SLC35D2: variants seen among roughly 807,000 people sequenced by gnomAD.
The protein encoded by SLC35D2 is solute carrier family 35 member D2.
SLC35D2 carries 43 observed loss-of-function variants against 41.8 expected under a neutral mutation model. The ratio of observed to expected loss-of-function variants is 1.03; its 90% confidence interval spans 0.81 to 1.33. SLC35D2 has a LOEUF of 1.33. SLC35D2 is among the 40% of genes most tolerant of loss of function. The pLI is 0.00. For missense variants in SLC35D2, 380 were observed against 408.4 expected (o/e 0.93, Z 0.60); for synonymous variants, 150 against 163.9 (o/e 0.92, Z 0.65).
intron 9 of SLC35D2, among the ~76,000 whole-genome samples, chr9:96,324,549 C>CTTTTTTTTTTTTTTTTT (rs57775451): frequency 1.5e-4 from 18 of 117,750 alleles, no homozygotes; most frequent in South Asian, 3.2e-4. Flanking sequence ...GCCTGCTGCA[C>CTTTTTTTTTTTTTTTTT]TTTTTTTTTT....
intron 9 of SLC35D2, among the ~76,000 whole-genome samples, chr9:96,335,894 A>C (rs1829029155): frequency 6.6e-6 from 1 of 151,960 alleles, no homozygotes; most frequent in South Asian, 2.1e-4. Context: ...TCTACTAAAA[A>C]TACAAAAAAT....
chr9:96,371,714 ATTTCTTTT>A (rs1261501423), intron 1 of SLC35D2, among the ~76,000 whole-genome samples: 1 of 131,176 alleles, frequency 7.6e-6, no homozygotes, highest in African/African-American at 2.9e-5. Flanking sequence ...TTAAAACTAA[ATTTCTTTT>A]TTTTTTTTTT....
At chr9:96,361,897 G>A (rs1418867172) in intron 3 of SLC35D2, among the ~76,000 whole-genome samples, 1 of 152,078 alleles carries the variant, frequency 6.6e-6, no homozygotes, top group Admixed American at 6.6e-5. Context: ...ATCCATTTCT[G>A]TTGTTGAAGC....
rs1828209342 is a variant in SLC35D2 at position 96,321,255 on chromosome 9, T to C, written c.1001A>G (p.Asp334Gly). 3 of 1,613,462 alleles carry C rather than the reference T, an allele frequency of 1.9e-6. No homozygotes were observed. In the East Asian group the frequency reaches 6.7e-5, roughly 36 times the overall value. The change falls in exon 12 of 12, where the codon GAT becomes GGT. Residue 334 changes from aspartate (D) to glycine (G), a missense_variant. Physicochemically the swap from Asp to Gly is moderately conservative, Grantham distance 94. Transcript: ENST00000253270. ...GCTGCAGACTCTTTAGCTCTTCAAA[T>C]CCAAACAGATGTTTTCTTCACCCAC... ...KPVGEENICL[D>G]LKS
chr9:96,355,425 T>TGCA (rs1829982405), intron 4 of SLC35D2, among the ~76,000 whole-genome samples: 2 of 151,862 alleles, frequency 1.3e-5, no homozygotes, highest in South Asian at 4.2e-4. Flanking sequence ...TCGAGGCTAC[T>TGCA]GCAGTGAGCT....
chr9:96,363,768 T>A (rs1830372568), intron 3 of SLC35D2, among the ~76,000 whole-genome samples: 1 of 152,122 alleles, frequency 6.6e-6, no homozygotes, highest in South Asian at 2.1e-4. Context: ...GTAAATAAAG[T>A]TTTATTGGAA....
In SLC35D2 at chr9:96,336,761, C is replaced by A. The variant is rs772420947; in HGVS notation, c.708G>T (p.Lys236Asn). 12 of 1,584,050 alleles carry A rather than the reference C, an allele frequency of 7.6e-6. No homozygotes were observed. The highest frequency in any genetic ancestry group is 1.7e-5 in the Admixed American group (1 of 58,314). ...LQQATEFNQWKNVVFILQFLL... is the reference protein window; with the variant it reads ...LQQATEFNQWNNVVFILQFLL... The stretch of plus-strand genomic sequence containing the variant: ...GAAACTGTAGGATAAACACAACATT[C>A]TTCCATTGGTTGAATTCAGTAGCCT... The change falls in exon 9 of 12, where the codon AAG becomes AAT. Residue 236 changes from lysine (K) to asparagine (N), a missense_variant. By Grantham distance (94) the Lys-to-Asn change is moderately conservative. Transcript: ENST00000253270.
chr9:96,323,794 C>A (rs899053320), intron 10 of SLC35D2, among the ~76,000 whole-genome samples: 1 of 151,932 alleles, frequency 6.6e-6, no homozygotes, highest in Admixed American at 6.6e-5. Context: ...GGTGTGGTGG[C>A]AGGCGCCTGT....
intron 8 of SLC35D2, among the ~76,000 whole-genome samples, chr9:96,339,890 T>TCA (rs1829236300): frequency 6.6e-6 from 1 of 152,136 alleles, no homozygotes; most frequent in South Asian, 2.1e-4. Context: ...GAGGAATGAG[T>TCA]CACACACACA....
intron 9 of SLC35D2, among the ~76,000 whole-genome samples, chr9:96,332,489 T>C (rs1439507391): frequency 6.6e-6 from 1 of 152,028 alleles, no homozygotes; most frequent in Non-Finnish European, 1.5e-5. Context: ...AAAGGTAAAG[T>C]TCATGTTGGC....
At chr9:96,355,408 C>G (rs945483704) in intron 4 of SLC35D2, among the ~76,000 whole-genome samples, 5 of 151,642 alleles carry the variant, frequency 3.3e-5, no homozygotes, top group Non-Finnish European at 7.4e-5. Flanking sequence ...GGCTTGAGCA[C>G]AGGAGGTCGA....
intron 9 of SLC35D2, among the ~76,000 whole-genome samples, chr9:96,333,298 A>G (rs970956691): frequency 1.3e-5 from 2 of 152,024 alleles, no homozygotes; most frequent in Admixed American, 6.6e-5. Flanking sequence ...AATGGGGAAA[A>G]AAAGTATGGA....
At chr9:96,358,986 AAAGAT>A (rs1440064900) in intron 4 of SLC35D2, among the ~76,000 whole-genome samples, 10 of 151,740 alleles carry the variant, frequency 6.6e-5, no homozygotes, top group African/African-American at 1.9e-4. Context: ...ATCTCAAAAA[AAAGAT>A]AAGATATCAA....
intron 4 of SLC35D2, among the ~76,000 whole-genome samples, chr9:96,353,500 C>T (rs2058830185): frequency 6.6e-6 from 1 of 152,074 alleles, no homozygotes; most frequent in South Asian, 2.1e-4. Flanking sequence ...ATTACACTAC[C>T]ACGCCCAGCT....
chr9:96,354,766 C>CA (rs59013884), intron 4 of SLC35D2, among the ~76,000 whole-genome samples: 30,955 of 46,162 alleles, frequency 0.67, 11,684 homozygotes, highest in East Asian at 0.94. Flanking sequence ...GACTCCATCT[C>CA]AAAAAAAAAA....
At chr9:96,361,933 G>A (rs966856204) in intron 3 of SLC35D2, among the ~76,000 whole-genome samples, 5 of 152,072 alleles carry the variant, frequency 3.3e-5, no homozygotes, top group East Asian at 3.9e-4. Context: ...ATTTTGTTAC[G>A]GCAGCCTCAG....
At chr9:96,358,814 C>T (rs1229192715) in intron 4 of SLC35D2, among the ~76,000 whole-genome samples, 1 of 151,878 alleles carries the variant, frequency 6.6e-6, no homozygotes, top group Non-Finnish European at 1.5e-5. Flanking sequence ...CATGGTGAAA[C>T]CCCGTCGTTA....
At chr9:96,316,815 A>G (rs1263883959), downstream of SLC35D2, among the ~76,000 whole-genome samples, 1 of 130,946 alleles carries the variant, frequency 7.6e-6, no homozygotes, top group African/African-American at 3.0e-5. Flanking sequence ...AAAAGCTCCA[A>G]TGCTTGAGAT....
intron 7 of SLC35D2, among the ~76,000 whole-genome samples, chr9:96,344,630 G>A (rs1316376446): frequency 7.0e-6 from 1 of 141,968 alleles, no homozygotes; most frequent in Admixed American, 7.2e-5. Context: ...GTTGGTCAGA[G>A]TGAACTCCCT....
Sources: gnomAD v4.1 joint callset for allele counts (sites outside exome capture counted in the v4.1 genomes callset) on GRCh38, gnomAD v4.1.1 for gene constraint, MANE v1.5 for transcripts, NCBI Gene and HGNC (gene_info 2026-07-23, HGNC 2026-07-21) for gene names.